SLC35D4: variants seen among roughly 807,000 people sequenced by gnomAD.
SLC35D4 encodes the protein UDP-N-acetylglucosamine transporter SLC35D4.
the SLC35D4 span, chr18:23,437,696 A>G: frequency 7.2e-7 from 1 of 1,397,738 alleles, no homozygotes; most frequent in East Asian, 2.5e-5. Flanking sequence ...GGTAAAAAGC[A>G]GGAGGAGGCT....
the SLC35D4 span, among the ~76,000 whole-genome samples, chr18:23,241,336 G>A: frequency 6.6e-6 from 1 of 152,028 alleles, no homozygotes; most frequent in East Asian, 1.9e-4. Flanking sequence ...TTTAAGACCA[G>A]CCTGGCTAAC....
the SLC35D4 span, among the ~76,000 whole-genome samples, chr18:23,251,552 G>A: frequency 2.0e-5 from 3 of 152,108 alleles, no homozygotes; most frequent in African/African-American, 7.2e-5. Flanking sequence ...AGGAAACCCA[G>A]AAAAAAATTG....
At chr18:23,354,021 G>A in the SLC35D4 span, among the ~76,000 whole-genome samples, 1 of 152,150 alleles carries the variant, frequency 6.6e-6, no homozygotes, top group Non-Finnish European at 1.5e-5. Flanking sequence ...CAGATCTCTG[G>A]ACCAGCAAGG....
the SLC35D4 span, among the ~76,000 whole-genome samples, chr18:23,363,411 C>T: frequency 9.4e-6 from 1 of 106,522 alleles, no homozygotes; most frequent in Non-Finnish European, 1.7e-5. Flanking sequence ...GAGTCTCGCT[C>T]TTGCCCAGGC....
the SLC35D4 span, among the ~76,000 whole-genome samples, chr18:23,397,420 G>C: frequency 2.0e-5 from 3 of 152,154 alleles, no homozygotes; most frequent in Non-Finnish European, 1.5e-5. Context: ...CCATTGTTGG[G>C]GGCAGCTGTA....
the SLC35D4 span, among the ~76,000 whole-genome samples, chr18:23,329,954 A>T: frequency 1.3e-5 from 2 of 152,236 alleles, no homozygotes; most frequent in South Asian, 4.1e-4. Flanking sequence ...ACAAGGATAG[A>T]AAACCAAACA....
chr18:23,283,678 G>A, the SLC35D4 span, among the ~76,000 whole-genome samples: 35 of 151,024 alleles, frequency 2.3e-4, no homozygotes, highest in East Asian at 4.7e-3. Context: ...GTGTGGTGGC[G>A]CATGCCTGTA....
chr18:23,272,406 C>T, the SLC35D4 span, among the ~76,000 whole-genome samples: 1 of 152,050 alleles, frequency 6.6e-6, no homozygotes, highest in Non-Finnish European at 1.5e-5. Context: ...GATCATGCCA[C>T]TGCACTCCAG....
chr18:23,253,276 G>C, the SLC35D4 span, among the ~76,000 whole-genome samples: 1 of 152,070 alleles, frequency 6.6e-6, no homozygotes, highest in Non-Finnish European at 1.5e-5. Context: ...TGAGGTCAGG[G>C]GCTTGAGACC....
chr18:23,298,187 C>A, the SLC35D4 span: 27 of 1,111,124 alleles, frequency 2.4e-5, no homozygotes, highest in South Asian at 3.5e-4. Context: ...TCATCACCAG[C>A]CCGAACTGCC....
chr18:23,280,929 C>T, the SLC35D4 span, among the ~76,000 whole-genome samples: 5 of 152,092 alleles, frequency 3.3e-5, no homozygotes, highest in South Asian at 4.1e-4. Context: ...CCATGCCCTG[C>T]GTGGAGGACT....
the SLC35D4 span, among the ~76,000 whole-genome samples, chr18:23,314,460 T>TGGG: frequency 1.3e-5 from 2 of 151,904 alleles, no homozygotes; most frequent in South Asian, 4.2e-4. Context: ...GTGCTTACCC[T>TGGG]GGGGGGGGCT....
At chr18:23,302,959 C>T in the SLC35D4 span, among the ~76,000 whole-genome samples, 1 of 152,244 alleles carries the variant, frequency 6.6e-6, no homozygotes, top group Admixed American at 6.5e-5. Flanking sequence ...ATGGTGATGA[C>T]TAACTTAAAA....
chr18:23,397,362 T>C, the SLC35D4 span, among the ~76,000 whole-genome samples: 1 of 152,082 alleles, frequency 6.6e-6, no homozygotes. Flanking sequence ...ACCAGGAAAA[T>C]GGTCTCTTTC....
the SLC35D4 span, among the ~76,000 whole-genome samples, chr18:23,281,248 A>G: frequency 6.6e-6 from 1 of 152,204 alleles, no homozygotes; most frequent in Admixed American, 6.5e-5. Context: ...CTGAATTTAA[A>G]GTGTACTGAA....
the SLC35D4 span, among the ~76,000 whole-genome samples, chr18:23,311,153 G>A: frequency 6.6e-6 from 1 of 150,950 alleles, no homozygotes; most frequent in African/African-American, 2.4e-5. Context: ...CCAGGCTGGA[G>A]TGCAGTGGCG....
the SLC35D4 span, among the ~76,000 whole-genome samples, chr18:23,322,698 A>G: frequency 1.3e-5 from 2 of 152,282 alleles, no homozygotes; most frequent in African/African-American, 4.8e-5. Flanking sequence ...TTTATTTGCT[A>G]TTATAATTTT....
At chr18:23,248,538 T>TTTTTTTTTTTTTTTA in the SLC35D4 span, among the ~76,000 whole-genome samples, 4 of 93,602 alleles carry the variant, frequency 4.3e-5, no homozygotes, top group Non-Finnish European at 7.0e-5. Flanking sequence ...TTTTTTTTTT[T>TTTTTTTTTTTTTTTA]AAAAAAAGGC....
chr18:23,310,720 A>G, the SLC35D4 span, among the ~76,000 whole-genome samples: 4 of 152,008 alleles, frequency 2.6e-5, no homozygotes. Context: ...AGACAAGCAG[A>G]AGGAAGGAGT....
Sources: allele counts gnomAD v4.1 joint callset (sites outside exome capture counted in the v4.1 genomes callset), GRCh38; gene constraint gnomAD v4.1.1; transcripts MANE v1.5; gene names NCBI Gene and HGNC (gene_info 2026-07-23, HGNC 2026-07-21).